Variants in DNAJC13 observed in about 807,000 individuals in gnomAD.
DNAJC13 encodes the protein DnaJ heat shock protein family (Hsp40) member C13.
Under a neutral mutation model 290.5 loss-of-function variants are expected in DNAJC13, and 75 were observed. That is an observed-to-expected ratio of 0.26 (90% CI 0.21 to 0.31). The LOEUF (loss-of-function observed/expected upper bound fraction) is 0.31, where lower values mean the gene tolerates loss of function less well. Among genes scored for constraint, DNAJC13 ranks in the 10% least tolerant of loss-of-function variants. The pLI, the probability that DNAJC13 is intolerant of heterozygous loss-of-function variation, is 1.00. For synonymous variants in DNAJC13, 862 were observed against 892.0 expected (o/e 0.97, Z 0.60); for missense variants, 2,260 against 2,674.5 (o/e 0.85, Z 3.42).
At chr3:132,512,290 C>T (rs1329895172) in intron 44 of DNAJC13, among the ~76,000 whole-genome samples, 2 of 152,140 alleles carry the variant, frequency 1.3e-5, no homozygotes, top group African/African-American at 4.8e-5. Flanking sequence ...ATGTATTTGA[C>T]AGTTATTCCC....
chr3:132,486,606 T>C (rs1934886380), intron 29 of DNAJC13, among the ~76,000 whole-genome samples: 1 of 152,184 alleles, frequency 6.6e-6, no homozygotes, highest in Non-Finnish European at 1.5e-5. Context: ...TTATATTGAG[T>C]TCAAAAATTA....
At chr3:132,500,735 TA>T (rs1935381148) in intron 38 of DNAJC13, 58 bp from the exon 39 acceptor site, 1 of 1,601,294 alleles carries the variant, frequency 6.2e-7, no homozygotes, top group Admixed American at 1.7e-5. Context: ...TTCTATGTGT[TA>T]AATAAGGAAT....
At chr3:132,496,236 A>T (rs1935230438) in intron 35 of DNAJC13, among the ~76,000 whole-genome samples, 1 of 152,304 alleles carries the variant, frequency 6.6e-6, no homozygotes, top group East Asian at 1.9e-4. Flanking sequence ...TTTGTTATAT[A>T]GACGCAAACT....
chr3:132,535,201 A>T (rs1291493330), intron 55 of DNAJC13, among the ~76,000 whole-genome samples: 2 of 152,252 alleles, frequency 1.3e-5, no homozygotes, highest in East Asian at 1.9e-4. Flanking sequence ...AAAGTAAGAT[A>T]AAAATGACCA....
intron 54 of DNAJC13, among the ~76,000 whole-genome samples, chr3:132,530,126 C>T (rs1936372583): frequency 6.6e-6 from 1 of 152,192 alleles, no homozygotes; most frequent in Admixed American, 6.5e-5. Flanking sequence ...TCCACTACTG[C>T]TTCTTTCCCG....
intron 55 of DNAJC13, among the ~76,000 whole-genome samples, chr3:132,532,912 A>AATTATTATTAATATT (rs1936460931): frequency 7.1e-6 from 1 of 141,828 alleles, no homozygotes; most frequent in African/African-American, 2.7e-5. Flanking sequence ...TAATTTTTGT[A>AATTATTATTAATATT]ATTATTATTA....
At chr3:132,532,570 G>C (rs1247401819) in intron 55 of DNAJC13, among the ~76,000 whole-genome samples, 4 of 151,918 alleles carry the variant, frequency 2.6e-5, no homozygotes, top group African/African-American at 9.7e-5. Context: ...CTTCAGATTT[G>C]GTGTTAAAAT....
At chr3:132,424,136 A>G (rs551622452) in intron 1 of DNAJC13, among the ~76,000 whole-genome samples, 2 of 152,338 alleles carry the variant, frequency 1.3e-5, no homozygotes, top group South Asian at 2.1e-4. Flanking sequence ...ATCAATAGCA[A>G]TGATTTCAAA....
Position 132,531,020 on chromosome 3 carries a change from C to G in DNAJC13, c.6548C>G (p.Ser2183Cys), listed in dbSNP as rs1057201169. 6.2e-7 allele frequency: 1 copy of G among 1,613,930 alleles called. No individual in the cohort carries two copies. Among genetic ancestry groups the G allele is most frequent in the African/African-American group, 1.3e-5 (1 of 74,926 alleles). The change falls in exon 55 of 56, where the codon TCT becomes TGT. Residue 2183 changes from serine to cysteine, a missense_variant. Physicochemically the swap from Ser to Cys is moderately radical, Grantham distance 112. Around this residue, in one of 3 missense-constraint regions of DNAJC13, gnomAD observed 1,494 missense variants for 1,693.7 expected, o/e 0.88. Transcript: ENST00000260818. ...GEQVNEILCRSSVWSAFKDQK... is the reference protein window; with the variant it reads ...GEQVNEILCRCSVWSAFKDQK... Reference sequence around the variant, plus strand: ...TAGGTGAATGAAATCCTGTGCCGTTCTTCAGTCTGGAGTGCCTTCAAAGAT... The same window carrying G: ...TAGGTGAATGAAATCCTGTGCCGTTGTTCAGTCTGGAGTGCCTTCAAAGAT...
chr3:132,482,401 A>C, intron 27 of DNAJC13, 71 bp downstream of exon 27: 1 of 1,206,228 alleles, frequency 8.3e-7, no homozygotes, highest in Non-Finnish European at 1.2e-6. Flanking sequence ...GCACTTACAG[A>C]GGCGTGGAAT....
intron 44 of DNAJC13, 106 bp downstream of exon 44, chr3:132,511,350 A>T: frequency 7.7e-7 from 1 of 1,293,786 alleles, no homozygotes; most frequent in Non-Finnish European, 1.1e-6. Context: ...ATACTTGGTT[A>T]TAATGTATTA....
intron 1 of DNAJC13, among the ~76,000 whole-genome samples, chr3:132,433,095 T>A (rs968841366): frequency 1.3e-5 from 2 of 152,202 alleles, no homozygotes; most frequent in Non-Finnish European, 2.9e-5. Context: ...CAAATGGCAA[T>A]CTTGTTTAAA....
chr3:132,520,668 G>C (rs554967541), intron 48 of DNAJC13, among the ~76,000 whole-genome samples: 1 of 152,286 alleles, frequency 6.6e-6, no homozygotes, highest in Admixed American at 6.5e-5. Flanking sequence ...CAGTAGGTTA[G>C]ATTAAATAAA....
At chr3:132,485,150 A>AT (rs959955922) in intron 29 of DNAJC13, among the ~76,000 whole-genome samples, 1 of 151,016 alleles carries the variant, frequency 6.6e-6, no homozygotes, top group Non-Finnish European at 1.5e-5. Context: ...ATTTTTTTTT[A>AT]TTTTTTTGAG....
Position 132,453,362 on chromosome 3 carries a change from A to T in DNAJC13, c.602A>T (p.Tyr201Phe). The change falls in exon 7 of 56, where the codon TAC (tyrosine) becomes TTC (phenylalanine). Residue 201 changes from tyrosine (Y) to phenylalanine (F), a missense_variant. Around this residue, in one of 3 missense-constraint regions of DNAJC13, gnomAD observed 762 missense variants for 964.1 expected, o/e 0.79. Transcript: ENST00000260818. ...IKSAIDHAGN[Y>F]IGISLRIRKE... ...AGTGCAATAGACCATGCTGGTAACTACATAGGTATTTCATTGCGGATCAGG... is the reference window on the plus strand; with the variant it reads ...AGTGCAATAGACCATGCTGGTAACTTCATAGGTATTTCATTGCGGATCAGG... The T allele has an allele frequency of 6.2e-7, 1 of 1,613,936 alleles. No individual in the cohort carries two copies. The highest frequency in any genetic ancestry group is 8.5e-7 in the Non-Finnish European group (1 of 1,179,920).
chr3:132,524,950 T>C (rs1936206640), intron 51 of DNAJC13, among the ~76,000 whole-genome samples: 1 of 152,244 alleles, frequency 6.6e-6, no homozygotes, highest in South Asian at 2.1e-4. Context: ...AACATTTCAC[T>C]AGTTCTGCAT....
intron 13 of DNAJC13, among the ~76,000 whole-genome samples, chr3:132,459,001 G>A (rs950259300): frequency 1.3e-5 from 2 of 152,014 alleles, no homozygotes; most frequent in Non-Finnish European, 2.9e-5. Context: ...TTGTCAAGCT[G>A]TTTAATAAAT....
intron 55 of DNAJC13, among the ~76,000 whole-genome samples, chr3:132,536,275 C>G (rs866485453): frequency 5.9e-5 from 9 of 152,146 alleles, no homozygotes; most frequent in Admixed American, 2.0e-4. Flanking sequence ...CAGGCCGAAT[C>G]CGCTACTCAG....
At chr3:132,461,320 T>TG in intron 15 of DNAJC13, 115 bp downstream of exon 15, 1 of 1,119,460 alleles carries the variant, frequency 8.9e-7, no homozygotes, top group South Asian at 1.3e-5. Context: ...TCCAGTCGTT[T>TG]GGCTTTCCTG....
Sources: allele counts gnomAD v4.1 joint callset (sites outside exome capture counted in the v4.1 genomes callset), GRCh38; gene constraint gnomAD v4.1.1; regional missense constraint gnomAD v4.1.1; transcripts MANE v1.5; gene names NCBI Gene and HGNC (gene_info 2026-07-23, HGNC 2026-07-21).